The following BRD10 variants were observed in gnomAD, a reference collection of about 807,000 sequenced individuals.
The protein encoded by BRD10 is bromodomain containing 10, also known as uncharacterized bromodomain-containing protein 10.
At chr9:5,943,439 A>G in the BRD10 span, among the ~76,000 whole-genome samples, 1 of 151,996 alleles carries the variant, frequency 6.6e-6, no homozygotes, top group Non-Finnish European at 1.5e-5. Flanking sequence ...AAATATGGAC[A>G]CCTCCCTAAA....
chr9:5,957,942 A>G, the BRD10 span, among the ~76,000 whole-genome samples: 1 of 152,124 alleles, frequency 6.6e-6, no homozygotes, highest in African/African-American at 2.4e-5. Context: ...ACTTGATCAT[A>G]TCCCAGGCCT....
the BRD10 span, chr9:6,008,291 C>A: frequency 3.0e-6 from 3 of 984,950 alleles, no homozygotes; most frequent in Non-Finnish European, 3.6e-6. Context: ...CTGCGGGGGA[C>A]ACGGGCAGAA....
the BRD10 span, among the ~76,000 whole-genome samples, chr9:5,965,056 T>TAAAAAAAAAAAAAAAAAA: frequency 8.5e-6 from 1 of 118,278 alleles, no homozygotes; most frequent in Admixed American, 8.9e-5. Context: ...TAAAGTATAA[T>TAAAAAAAAAAAAAAAAAA]AAAAAAAAAA....
At chr9:5,963,988 G>A in the BRD10 span, among the ~76,000 whole-genome samples, 2 of 152,042 alleles carry the variant, frequency 1.3e-5, no homozygotes, top group Admixed American at 6.6e-5. Context: ...TCAGGACATA[G>A]GCATGGGCAA....
At chr9:5,954,532 T>G in the BRD10 span, among the ~76,000 whole-genome samples, 1 of 152,194 alleles carries the variant, frequency 6.6e-6, no homozygotes, top group African/African-American at 2.4e-5. Context: ...CAGCCTAATG[T>G]GAAAATCCCC....
chr9:5,924,873 T>C, the BRD10 span: 1 of 1,375,738 alleles, frequency 7.3e-7, no homozygotes, highest in African/African-American at 1.4e-5. Context: ...ACATAATAAA[T>C]AATACATATG....
the BRD10 span, among the ~76,000 whole-genome samples, chr9:5,930,641 T>G: frequency 1.3e-5 from 2 of 152,038 alleles, no homozygotes; most frequent in Admixed American, 1.3e-4. Flanking sequence ...GACTAATTCT[T>G]GTTTCTTAAT....
the BRD10 span, among the ~76,000 whole-genome samples, chr9:5,958,224 T>C: frequency 1.3e-5 from 2 of 152,148 alleles, no homozygotes; most frequent in Non-Finnish European, 2.9e-5. Context: ...AAGAAAAGAA[T>C]GCCCAACCTG....
chr9:5,984,085 G>T, the BRD10 span, among the ~76,000 whole-genome samples: 24 of 151,414 alleles, frequency 1.6e-4, no homozygotes, highest in Non-Finnish European at 5.9e-5. Context: ...ATTGTTGGCA[G>T]ACCTATATTA....
At chr9:5,933,064 CACAA>C in the BRD10 span, among the ~76,000 whole-genome samples, 20 of 152,178 alleles carry the variant, frequency 1.3e-4, no homozygotes, top group Non-Finnish European at 2.5e-4. Context: ...CTGATTAATA[CACAA>C]ACAAAGATAA....
chr9:6,008,478 T>C, the BRD10 span, among the ~76,000 whole-genome samples: 1,014 of 150,738 alleles, frequency 6.7e-3, 15 homozygotes, highest in African/African-American at 0.024. Context: ...CCGGTGCGCA[T>C]GCGTAGTAGA....
the BRD10 span, chr9:5,969,297 A>T: frequency 6.2e-7 from 1 of 1,613,914 alleles, no homozygotes; most frequent in Non-Finnish European, 8.5e-7. Flanking sequence ...TGAGCTAAAC[A>T]AAGGAAATGC....
chr9:5,975,671 A>G, the BRD10 span, among the ~76,000 whole-genome samples: 2 of 152,160 alleles, frequency 1.3e-5, no homozygotes, highest in Non-Finnish European at 2.9e-5. Context: ...ACTTGAAGAC[A>G]GAGAGAGAAA....
chr9:5,954,146 T>C, the BRD10 span: 11 of 1,025,374 alleles, frequency 1.1e-5, no homozygotes, highest in Non-Finnish European at 1.6e-5. Context: ...TAGCACTTCA[T>C]TAACAAAAAA....
At chr9:5,880,227 C>G in the BRD10 span, among the ~76,000 whole-genome samples, 1 of 148,868 alleles carries the variant, frequency 6.7e-6, no homozygotes, top group South Asian at 2.3e-4. Context: ...CCAGAAGTTT[C>G]TTTAAAAATA....
chr9:5,960,293 G>A, the BRD10 span, among the ~76,000 whole-genome samples: 12 of 152,182 alleles, frequency 7.9e-5, 2 homozygotes, highest in South Asian at 6.2e-4. Flanking sequence ...CGGGCGTGCT[G>A]CCTCACGCCT....
chr9:5,958,197 T>C, the BRD10 span, among the ~76,000 whole-genome samples: 10 of 152,114 alleles, frequency 6.6e-5, no homozygotes, highest in Admixed American at 3.9e-4. Flanking sequence ...TCTAAAACAC[T>C]ATGCTTAGAA....
At chr9:5,908,594 C>A in the BRD10 span, 3 of 1,490,682 alleles carry the variant, frequency 2.0e-6, no homozygotes, top group Non-Finnish European at 2.8e-6. Context: ...CCTAGAAACA[C>A]ATACACTGTT....
chr9:5,929,242 A>T, the BRD10 span: 1 of 715,724 alleles, frequency 1.4e-6, no homozygotes, highest in Non-Finnish European at 2.4e-6. Flanking sequence ...AAATACAAAA[A>T]CACCAATACT....
Sources: gnomAD v4.1 joint callset for allele counts (sites outside exome capture counted in the v4.1 genomes callset) on GRCh38, gnomAD v4.1.1 for gene constraint, MANE v1.5 for transcripts, NCBI Gene and HGNC (gene_info 2026-07-23, HGNC 2026-07-21) for gene names.